Variants in NEB observed in about 807,000 individuals in gnomAD.
The protein encoded by NEB is nemaline myopathy type 2.
A neutral mutation model predicts 952.2 loss-of-function variants in NEB; 512 were observed. The ratio of observed to expected loss-of-function variants is 0.54; its 90% confidence interval spans 0.50 to 0.58. NEB has a LOEUF of 0.58. Among genes scored for constraint, NEB ranks in the 20% least tolerant of loss-of-function variants. The pLI is 0.00. For missense variants in NEB, 8,428 were observed against 9,231.1 expected, an observed-to-expected ratio of 0.91 and a Z score of 3.56; for synonymous variants, 2,900 against 3,149.8, an observed-to-expected ratio of 0.92 and a Z score of 2.66.
chr2:151,651,767 T>C (rs865785252), intron 52 of NEB, among the ~76,000 whole-genome samples: 2 of 152,218 alleles, frequency 1.3e-5, no homozygotes, highest in Admixed American at 6.5e-5. Context: ...CGTTACATGA[T>C]ACCCAGCTTC....
In NEB at chr2:151,663,513, A is replaced by G. The variant is rs12620077; in HGVS notation, c.5763+35T>C. 0.2 allele frequency: 317,722 copies of G among 1,560,008 alleles called. 44,717 individuals carry two copies. The highest frequency in any genetic ancestry group is 0.62 in the East Asian group (27,332 of 44,216). On this transcript the variant is annotated intron_variant, in intron 45 of 181. Transcript: ENST00000397345. ...GGTCACTCATGGTTGCTTATTATCCAGAGTAAACGCTCTGCAAATGTGGTT... is the reference window on the plus strand; with the variant it reads ...GGTCACTCATGGTTGCTTATTATCCGGAGTAAACGCTCTGCAAATGTGGTT...
rs1553537770 is a variant in NEB at position 151,494,232 on chromosome 2, C to G, written c.24508G>C (p.Gly8170Arg). The stretch of plus-strand genomic sequence containing the variant: ...GTGACAGGGGTTGCGGTGGCTTTCC[C>G]CACATTTTCTTTGTACAAAACCTAT... ...ISSVLYKENV[G>R]KATATPVTPE... Residue 8170 changes from glycine (G) to arginine (R), a missense_variant, in exon 174 of 182, where the codon GGG (glycine) becomes CGG (arginine). Gly to Arg is a moderately radical substitution (Grantham distance 125). Coordinates refer to ENST00000397345, the MANE Select transcript of NEB (RefSeq NM_001164508.2). 1 of 1,602,054 alleles carries G rather than the reference C, an allele frequency of 6.2e-7. No individual in the cohort carries two copies. The highest frequency in any genetic ancestry group is 1.1e-5 in the South Asian group (1 of 88,916).
At chr2:151,604,223 T>C (rs1364261017) in intron 85 of NEB, among the ~76,000 whole-genome samples, 1 of 119,298 alleles carries the variant, frequency 8.4e-6, no homozygotes, top group Non-Finnish European at 1.7e-5. Context: ...CTGTGTCAAG[T>C]AAACATGAAA....
chr2:151,530,446 T>C (rs1275864979), intron 145 of NEB, among the ~76,000 whole-genome samples: 1 of 152,186 alleles, frequency 6.6e-6, no homozygotes, highest in Non-Finnish European at 1.5e-5. Context: ...TTAATGTGAC[T>C]AAGGCCAAAG....
intron 107 of NEB, among the ~76,000 whole-genome samples, chr2:151,575,374 C>T (rs35389145): frequency 0.28 from 42,877 of 152,036 alleles, 6,219 homozygotes; most frequent in Admixed American, 0.39. Context: ...TATTTTGAGT[C>T]TATCTGAGTC....
intron 157 of NEB, 72 bp from the exon 158 acceptor site, chr2:151,515,000 G>GAAA: frequency 7.2e-6 from 6 of 837,040 alleles, no homozygotes; most frequent in East Asian, 3.1e-5. Flanking sequence ...ATCTCAGGAA[G>GAAA]AAAAAAAAAA....
intron 9 of NEB, among the ~76,000 whole-genome samples, chr2:151,722,279 G>A (rs557762911): frequency 6.6e-6 from 1 of 152,356 alleles, no homozygotes; most frequent in South Asian, 2.1e-4. Flanking sequence ...CAATGGTCAT[G>A]TAAGAAAGTA....
chr2:151,617,755 C>T (rs907141090), intron 74 of NEB, among the ~76,000 whole-genome samples: 21 of 150,304 alleles, frequency 1.4e-4, no homozygotes, highest in African/African-American at 5.2e-4. Context: ...ACCTACTAAT[C>T]CAATCAGAAG....
In NEB at chr2:151,621,011, C is replaced by T. The variant is rs764384832; in HGVS notation, c.10468G>A (p.Ala3490Thr). The part of the protein sequence containing the change: ...INYSESLYRQ[A>T]MEEAKKEGYD... ...CCTTCTTTCTTGGCTTCTTCCATGG[C>T]CTGACGATAGAGGCTCTGAGGAAAG... Residue 3490 changes from alanine to threonine, a missense_variant, in exon 72 of 182, where the codon GCC becomes ACC. Physicochemically the swap from Ala to Thr is moderately conservative, Grantham distance 58. Transcript: ENST00000397345. 1 of 1,609,464 alleles carries T rather than the reference C, an allele frequency of 6.2e-7. No homozygotes were observed. Among genetic ancestry groups the T allele is most frequent in the Non-Finnish European group, 8.5e-7 (1 of 1,177,700 alleles).
chr2:151,686,407 A>G (rs917345557), intron 27 of NEB, among the ~76,000 whole-genome samples: 5 of 152,252 alleles, frequency 3.3e-5, no homozygotes, highest in African/African-American at 1.2e-4. Flanking sequence ...GTTCTGTGAT[A>G]GGAATAAAAA....
chr2:151,502,834 C>A lies in NEB; in HGVS notation c.23887G>T (p.Glu7963Ter). 1 of 1,607,846 alleles carries A rather than the reference C, an allele frequency of 6.2e-7. No individual in the cohort carries two copies. The highest frequency in any genetic ancestry group is 8.5e-7 in the Non-Finnish European group (1 of 1,177,382). Residue 7963 changes from glutamate (E) to a stop codon, truncating the protein, a stop_gained, in exon 167 of 182, where the codon GAG (glutamate) becomes TAG (stop). Coordinates refer to ENST00000397345, the MANE Select transcript of NEB (RefSeq NM_001164508.2). LOFTEE classifies it high-confidence loss of function. ...GKGIPTPITP[E>*]MERVKRNQEN... ...TGATTGCGTTTGACTCTCTCCATCT[C>A]TGGAGTGATAGGTGTTGGGATTCCT...
intron 81 of NEB, among the ~76,000 whole-genome samples, chr2:151,609,208 A>G (rs918000888): frequency 2.3e-4 from 35 of 151,998 alleles, no homozygotes; most frequent in Non-Finnish European, 3.2e-4. Context: ...TAAAAGAAAA[A>G]AAAAAGGAAA....
At position 151,640,740 on chromosome 2, in the gene NEB, CTATT is replaced by C. The variant is rs2098836189; in HGVS notation, c.8374-78_8374-75del. 4.2e-6 allele frequency: 6 copies of C among 1,445,060 alleles called. No homozygotes were observed. The South Asian group carries it at 4.4e-5, about 11-fold the overall frequency. 89.5% of individuals were successfully genotyped at this position (1,445,060 alleles called of 1,614,324 possible). ...AAGCAATCACTAAGCCTAACTTGCT[CTATT>C]TATTAAAAAAAAAATTTTCCCTGAA... On this transcript the variant is annotated intron_variant, in intron 60 of 181. Transcript: ENST00000397345.
intron 135 of NEB, among the ~76,000 whole-genome samples, chr2:151,545,353 A>T (rs1013306309): frequency 1.3e-5 from 2 of 152,140 alleles, no homozygotes; most frequent in African/African-American, 4.8e-5. Context: ...AGGCGGGCGG[A>T]TCACCTGAGG....
intron 13 of NEB, among the ~76,000 whole-genome samples, chr2:151,702,451 A>C (rs578076971): frequency 2.5e-3 from 373 of 152,196 alleles, no homozygotes; most frequent in Middle Eastern, 0.017. Context: ...GATCTGTCTA[A>C]TGTTGACAGT....
Position 151,636,295 on chromosome 2 carries a change from C to T in NEB, c.9034G>A (p.Gly3012Ser). 1 of 1,609,124 alleles carries T rather than the reference C, an allele frequency of 6.2e-7. No individual in the cohort carries two copies. The highest frequency in any genetic ancestry group is 8.5e-7 in the Non-Finnish European group (1 of 1,179,700). The part of the protein sequence containing the change: ...KLANEEAKKK[G>S]YDLRSDAIPI... ...ATGGCGTCGCTTCGCAAGTCATAGC[C>T]TTTCTTCTTTGCTTCTTCATTAGCA... The change falls in exon 64 of 182, where the codon GGC becomes AGC. Residue 3012 changes from glycine to serine, a missense_variant. Coordinates refer to ENST00000397345, the MANE Select transcript of NEB (RefSeq NM_001164508.2).
chr2:151,633,262 A>T (rs1284274897), intron 65 of NEB, among the ~76,000 whole-genome samples: 7 of 152,222 alleles, frequency 4.6e-5, no homozygotes, highest in Admixed American at 1.3e-4. Context: ...TTTCATAAGC[A>T]TAATATTTAG....
At chr2:151,551,635 G>A (rs2095347471) in intron 129 of NEB, 103 bp downstream of exon 129, 1 of 839,652 alleles carries the variant, frequency 1.2e-6, no homozygotes, top group Non-Finnish European at 1.9e-6. Flanking sequence ...GAATAGAACA[G>A]CATTTATACA....
chr2:151,510,257 C>T (rs2073085772), intron 161 of NEB, among the ~76,000 whole-genome samples: 1 of 152,262 alleles, frequency 6.6e-6, no homozygotes, highest in African/African-American at 2.4e-5. Flanking sequence ...TTTAGACCCA[C>T]AGTAAAACTT....
Sources: allele counts gnomAD v4.1 joint callset (sites outside exome capture counted in the v4.1 genomes callset), GRCh38; gene constraint gnomAD v4.1.1; transcripts MANE v1.5; gene names NCBI Gene and HGNC (gene_info 2026-07-23, HGNC 2026-07-21).